Variants in SLC43A2 observed in about 807,000 individuals in gnomAD.
SLC43A2 encodes large neutral amino acids transporter small subunit 4.
In SLC43A2, 38 loss-of-function variants were observed where a neutral mutation model predicts 63.2. The observed-to-expected ratio is 0.60, with a 90% CI of 0.46 to 0.79. SLC43A2 has a LOEUF of 0.79. SLC43A2 is among the 30% of genes least tolerant of loss of function. The pLI is 0.00. For missense variants in SLC43A2, 644 were observed against 756.2 expected, an observed-to-expected ratio of 0.85 and a Z score of 1.74; for synonymous variants, 322 against 331.0, an observed-to-expected ratio of 0.97 and a Z score of 0.30.
chr17:1,591,541 G>A (rs1202088383), intron 7 of SLC43A2, 25 bp downstream of exon 7: 2 of 1,566,232 alleles, frequency 1.3e-6, no homozygotes, highest in East Asian at 2.4e-5. Flanking sequence ...CTGGGGGCAG[G>A]CGGGACGGGG....
chr17:1,576,853 G>A (rs894463868), intron 12 of SLC43A2, 133 bp from the exon 13 acceptor site: 19 of 1,055,730 alleles, frequency 1.8e-5, no homozygotes, highest in Non-Finnish European at 2.3e-5. Context: ...CCTTCCTGCT[G>A]GGCAGTTCTG....
intron 5 of SLC43A2, among the ~76,000 whole-genome samples, chr17:1,600,094 ATCTT>A (rs1042039524): frequency 5.5e-5 from 7 of 126,738 alleles, no homozygotes; most frequent in African/African-American, 8.4e-5. Flanking sequence ...GGGGATGTTA[ATCTT>A]TCTTTTTTTT....
At chr17:1,585,586 C>A in intron 10 of SLC43A2, 1 of 1,012,368 alleles carries the variant, frequency 9.9e-7, no homozygotes, top group Non-Finnish European at 1.3e-6. Context: ...TGGGGGCTGG[C>A]CATGTTTCCC....
chr17:1,595,566 G>A (rs780107866), intron 5 of SLC43A2, among the ~76,000 whole-genome samples: 19 of 151,906 alleles, frequency 1.3e-4, no homozygotes, highest in Non-Finnish European at 2.1e-4. Context: ...CTGCCTCAGC[G>A]TCCTGTGTGG....
In SLC43A2 at chr17:1,573,219, G is replaced by C. The variant is rs1232708523; in HGVS notation, c.*2385C>G. Reference sequence around the variant, plus strand: ...AAAAAAGGCGGCCTTTTCCCAGCTGGCAGCACCCTGGCTAGTTAGGGTTTC... The same window carrying C: ...AAAAAAGGCGGCCTTTTCCCAGCTGCCAGCACCCTGGCTAGTTAGGGTTTC... On this transcript the variant is annotated 3_prime_UTR_variant, in exon 14 of 14. Coordinates refer to ENST00000301335, the MANE Select transcript of SLC43A2 (RefSeq NM_152346.3). 2.7e-5 allele frequency: 4 copies of C among 150,566 alleles called. No individual in the cohort carries two copies. The highest frequency in any genetic ancestry group is 9.9e-5 in the African/African-American group (4 of 40,590). The allele number at this position is 150,566 out of a possible 1,614,324, so 9.3% of individuals were successfully genotyped here. A position where few individuals can be genotyped will look rare whatever the true frequency, so the allele number is the denominator to read the frequency against.
intron 1 of SLC43A2, chr17:1,628,219 T>A: frequency 4.9e-6 from 1 of 202,578 alleles, no homozygotes; most frequent in East Asian, 1.1e-4. Context: ...GGCTAACGCA[T>A]GCTCAGGGCC....
At chr17:1,624,693 C>A (rs1908496377) in intron 2 of SLC43A2, among the ~76,000 whole-genome samples, 1 of 152,130 alleles carries the variant, frequency 6.6e-6, no homozygotes, top group African/African-American at 2.4e-5. Flanking sequence ...GAGTTTGAGA[C>A]CAGCCTAGGC....
Position 1,586,000 on chromosome 17 carries a change from G to A in SLC43A2, c.1130C>T (p.Thr377Met), listed in dbSNP as rs758224431. Residue 377 changes from threonine to methionine, a missense_variant, in exon 10 of 14, where the codon ACG becomes ATG. Thr to Met is a moderately conservative substitution (Grantham distance 81). Coordinates refer to ENST00000301335, the MANE Select transcript of SLC43A2 (RefSeq NM_152346.3). Reference protein sequence around the residue: ...FGVLQLLCLLTAPVIGYIMDW... With the variant: ...FGVLQLLCLLMAPVIGYIMDW... ...CATGATGTAGCCAATGACGGGGGCC[G>A]TCAGCAGGCACAGCAGCTGGAGCAC... is the stretch of plus-strand genomic sequence containing the variant. 5.0e-6 allele frequency: 8 copies of A among 1,612,238 alleles called. No individual in the cohort carries two copies. The highest frequency in any genetic ancestry group is 1.7e-5 in the Admixed American group (1 of 59,792).
chr17:1,594,699 T>G (rs1905122735), intron 5 of SLC43A2, among the ~76,000 whole-genome samples: 1 of 148,756 alleles, frequency 6.7e-6, no homozygotes, highest in South Asian at 2.2e-4. Flanking sequence ...GCCATTCTCC[T>G]GCCTCAGCCT....
rs2075964889 is a variant in SLC43A2 at position 1,578,359 on chromosome 17, T to G, written c.1351-36A>C. The G allele has an allele frequency of 8.7e-6, 14 of 1,602,868 alleles. No homozygotes were observed. The highest frequency in any genetic ancestry group is 1.2e-5 in the Non-Finnish European group (14 of 1,171,896). On this transcript the variant is annotated intron_variant, in intron 11 of 13. Transcript: ENST00000301335. This position sits in a 1 kb window ranked among gnomAD's most constrained non-coding sequence, Gnocchi z 6.5. ...AAAAGGCGACTGTGGGCATAAGGCC[T>G]TAAGGGACCGTCCCCTCAGCCCCCG... is the stretch of plus-strand genomic sequence containing the variant.
At chr17:1,581,439 C>T (rs1046322374) in intron 11 of SLC43A2, among the ~76,000 whole-genome samples, 1 of 152,230 alleles carries the variant, frequency 6.6e-6, no homozygotes, top group Non-Finnish European at 1.5e-5. Flanking sequence ...GGGGCCGGCA[C>T]AAATGTTCCA....
intron 1 of SLC43A2, among the ~76,000 whole-genome samples, 174 bp downstream of exon 1, chr17:1,628,620 G>A (rs1908913123): frequency 6.6e-6 from 1 of 152,058 alleles, no homozygotes; most frequent in African/African-American, 2.4e-5. Context: ...CCATGGCCTC[G>A]GACCCCCGCG....
rs1015853890 is a variant in SLC43A2 at position 1,577,055 on chromosome 17, G to A, written c.1425-335C>T. Reference sequence around the variant, plus strand: ...AATTTTTTGTATTTTTAGTAGAGACGGGGTTTCACTACGTTGGCCAGGCTG... The same window carrying A: ...AATTTTTTGTATTTTTAGTAGAGACAGGGTTTCACTACGTTGGCCAGGCTG... On this transcript the variant is annotated intron_variant, in intron 12 of 13. Transcript: ENST00000301335. The surrounding 1 kb of genome is among the most constrained non-coding windows in gnomAD (Gnocchi z 4.9). 1.4e-4 allele frequency among the ~76,000 whole-genome samples: 21 copies of A among 152,012 alleles called. No homozygotes were observed. The highest frequency in any genetic ancestry group is 2.0e-4 in the Admixed American group (3 of 15,244).
chr17:1,581,478 T>G (rs988018800), intron 11 of SLC43A2, among the ~76,000 whole-genome samples: 2 of 152,170 alleles, frequency 1.3e-5, no homozygotes, highest in African/African-American at 4.8e-5. Context: ...ACGCCCAGTG[T>G]TGGCACGTAC....
chr17:1,621,232 G>A (rs1231795740), intron 2 of SLC43A2, among the ~76,000 whole-genome samples: 5 of 152,292 alleles, frequency 3.3e-5, no homozygotes, highest in African/African-American at 9.6e-5. Flanking sequence ...CTGAGGCAAA[G>A]AGGAGCCTCC....
chr17:1,616,518 G>A (rs1598489312), intron 3 of SLC43A2, 44 bp downstream of exon 3: 2 of 1,555,654 alleles, frequency 1.3e-6, no homozygotes, highest in Non-Finnish European at 1.7e-6. Context: ...CAGCCCAGGG[G>A]GTCCACCTGC....
Position 1,606,316 on chromosome 17 carries a change from A to G in SLC43A2, c.501+6879T>C. ...CCTCCTCTCCAGGATCTGAAGAGGGATGTTTATCCTCTTCACTTCCCTCAG... is the reference window on the plus strand; with the variant it reads ...CCTCCTCTCCAGGATCTGAAGAGGGGTGTTTATCCTCTTCACTTCCCTCAG... On this transcript the variant is annotated intron_variant, in intron 5 of 13. Transcript: ENST00000301335. This position sits in a 1 kb window ranked among gnomAD's most constrained non-coding sequence, Gnocchi z 4.7. 6.6e-6 allele frequency among the ~76,000 whole-genome samples: 1 copy of G among 152,070 alleles called. No homozygotes were observed. Among genetic ancestry groups the G allele is most frequent in the Non-Finnish European group, 1.5e-5 (1 of 67,984 alleles).
At chr17:1,627,520 C>T (rs748966379) in intron 2 of SLC43A2, among the ~76,000 whole-genome samples, 195 bp downstream of exon 2, 1 of 152,148 alleles carries the variant, frequency 6.6e-6, no homozygotes, top group Non-Finnish European at 1.5e-5. Flanking sequence ...CGCTCTGAGC[C>T]TCGATGTCTT....
intron 5 of SLC43A2, among the ~76,000 whole-genome samples, chr17:1,603,511 G>A (rs937749313): frequency 3.3e-5 from 5 of 151,698 alleles, no homozygotes; most frequent in East Asian, 3.9e-4. Context: ...GAGGCCGGGC[G>A]CGGTGGCTCA....
Sources: allele counts gnomAD v4.1 joint callset (sites outside exome capture counted in the v4.1 genomes callset), GRCh38; gene constraint gnomAD v4.1.1; non-coding constraint Gnocchi (gnomAD v3.1); transcripts MANE v1.5; gene names NCBI Gene and HGNC (gene_info 2026-07-23, HGNC 2026-07-21).